ULK4: variants seen among roughly 807,000 people sequenced by gnomAD.
ULK4 encodes the protein unc-51 like kinase 4.
Under a neutral mutation model 160.6 loss-of-function variants are expected in ULK4, and 133 were observed. The ratio of observed to expected loss-of-function variants is 0.83; its 90% CI spans 0.72 to 0.96. ULK4 has a LOEUF of 0.96. ULK4 is among the 40% of genes least tolerant of loss of function. The pLI, the probability that ULK4 is intolerant of heterozygous loss-of-function variation, is 0.00. For missense variants in ULK4, 1,580 were observed against 1,499.5 expected, an observed-to-expected ratio of 1.05 and a Z score of -0.89; for synonymous variants, 534 against 539.8, an observed-to-expected ratio of 0.99 and a Z score of 0.15.
At chr3:41,257,731 A>G (rs2078861975) in intron 35 of ULK4, among the ~76,000 whole-genome samples, 1 of 152,168 alleles carries the variant, frequency 6.6e-6, no homozygotes, top group Non-Finnish European at 1.5e-5. Flanking sequence ...TGTCCACACA[A>G]AAACCTGTAT....
chr3:41,563,054 TG>T (rs1575418657), intron 32 of ULK4, among the ~76,000 whole-genome samples: 3 of 152,216 alleles, frequency 2.0e-5, no homozygotes, highest in African/African-American at 7.2e-5. Context: ...AAGGCAAGCC[TG>T]GTGGTGACAG....
intron 30 of ULK4, among the ~76,000 whole-genome samples, chr3:41,658,728 TACACACACAC>T (rs748566253): frequency 1.5e-4 from 13 of 84,510 alleles, no homozygotes; most frequent in Admixed American, 5.6e-4. Context: ...TGAAAAACAG[TACACACACAC>T]ACACACACAC....
chr3:41,512,114 A>G (rs2085598498), intron 32 of ULK4, among the ~76,000 whole-genome samples: 1 of 152,208 alleles, frequency 6.6e-6, no homozygotes, highest in Non-Finnish European at 1.5e-5. Flanking sequence ...AAACTGGCAT[A>G]GAAGGGACAT....
At chr3:41,446,728 G>A (rs1243122975) in intron 34 of ULK4, among the ~76,000 whole-genome samples, 2 of 130,756 alleles carry the variant, frequency 1.5e-5, no homozygotes, top group Non-Finnish European at 3.2e-5. Flanking sequence ...GGCCTGTTGT[G>A]GGGTGGGGGG....
intron 32 of ULK4, among the ~76,000 whole-genome samples, chr3:41,480,853 G>A (rs371208623): frequency 6.6e-6 from 1 of 152,048 alleles, no homozygotes; most frequent in African/African-American, 2.4e-5. Context: ...CAGAGTGAAG[G>A]GGGTAAGGCC....
intron 31 of ULK4, 68 bp downstream of exon 31, chr3:41,615,601 C>T: frequency 6.6e-7 from 1 of 1,521,312 alleles, no homozygotes; most frequent in Non-Finnish European, 9.0e-7. Context: ...CACAGTCCTA[C>T]AACATGGTTA....
chr3:41,342,639 T>C (rs766885717), intron 35 of ULK4, among the ~76,000 whole-genome samples: 6 of 152,090 alleles, frequency 3.9e-5, no homozygotes, highest in Non-Finnish European at 8.8e-5. Flanking sequence ...TTCCAAAAAA[T>C]TGAAAAGGAC....
chr3:41,717,758 G>A lies in ULK4; in HGVS notation c.2425C>T (p.His809Tyr). 1 of 1,614,094 alleles carries A rather than the reference G, an allele frequency of 6.2e-7. No homozygotes were observed. Among genetic ancestry groups the A allele is most frequent in the Non-Finnish European group, 8.5e-7 (1 of 1,179,980 alleles). The change falls in exon 23 of 37, where the codon CAC becomes TAC. Residue 809 changes from histidine to tyrosine, a missense_variant. Transcript: ENST00000301831. ...LSKCLDLLIC[H>Y]IVQELPRILG... The stretch of plus-strand genomic sequence containing the variant: ...ATTCGTGGCAGCTCCTGCACAATGT[G>A]ACAGATGAGAAGATCCAGGCATTTG...
chr3:41,591,780 A>G (rs2031327784), intron 31 of ULK4, among the ~76,000 whole-genome samples: 1 of 152,226 alleles, frequency 6.6e-6, no homozygotes. Flanking sequence ...AATAAAGATA[A>G]TTGTTCTATT....
chr3:41,807,744 C>G (rs192011862), intron 19 of ULK4, among the ~76,000 whole-genome samples: 1 of 152,130 alleles, frequency 6.6e-6, no homozygotes, highest in Non-Finnish European at 1.5e-5. Context: ...CCTTCAATTT[C>G]CCAAACTTCA....
chr3:41,337,024 T>C (rs1187681076), intron 35 of ULK4, among the ~76,000 whole-genome samples: 1 of 152,142 alleles, frequency 6.6e-6, no homozygotes, highest in African/African-American at 2.4e-5. Flanking sequence ...TATTGGATTG[T>C]CACAAAAATA....
chr3:41,418,348 G>C (rs1305601867), intron 34 of ULK4, among the ~76,000 whole-genome samples: 1 of 144,428 alleles, frequency 6.9e-6, no homozygotes, highest in African/African-American at 2.6e-5. Flanking sequence ...TTGGCGGGGG[G>C]GGGGGCACGT....
chr3:41,747,521 T>C lies in ULK4; in HGVS notation c.2321+6840A>G, dbSNP rs549129254. Among the ~76,000 whole-genome samples the C allele has an allele frequency of 2.7e-4, 40 of 150,140 alleles. 1 individual carries two copies. Among genetic ancestry groups the C allele is most frequent in the Non-Finnish European group, 5.3e-4 (36 of 68,030 alleles). On this transcript the variant is annotated intron_variant, in intron 22 of 36. Coordinates refer to ENST00000301831, the MANE Select transcript of ULK4 (RefSeq NM_017886.4). ...TAGTTAGGAATTAAAACTTGAATAC[T>C]AGCTTCTTAGTGTTATAAACTGAAT...
chr3:41,455,341 G>A (rs905456933), intron 34 of ULK4, among the ~76,000 whole-genome samples, 156 bp downstream of exon 34: 2 of 152,154 alleles, frequency 1.3e-5, no homozygotes, highest in African/African-American at 4.8e-5. Context: ...ATAAAGTAGA[G>A]ATTTAGTTTT....
chr3:41,581,301 G>A (rs2030316165), intron 31 of ULK4, among the ~76,000 whole-genome samples: 1 of 152,062 alleles, frequency 6.6e-6, no homozygotes, highest in African/African-American at 2.4e-5. Context: ...CTCAATCATA[G>A]GGTTTTGCCA....
At chr3:41,386,609 A>G (rs1459684009) in intron 35 of ULK4, among the ~76,000 whole-genome samples, 1 of 152,208 alleles carries the variant, frequency 6.6e-6, no homozygotes, top group Non-Finnish European at 1.5e-5. Context: ...TTTGTGGTCC[A>G]TAAATCTAGA....
chr3:41,376,043 C>T (rs1394999356), intron 35 of ULK4, among the ~76,000 whole-genome samples: 4 of 150,404 alleles, frequency 2.7e-5, no homozygotes, highest in South Asian at 2.2e-4. Context: ...AGCTCATCAT[C>T]GCTGGTCATT....
At chr3:41,600,157 G>A (rs1559424099) in intron 31 of ULK4, among the ~76,000 whole-genome samples, 1 of 152,090 alleles carries the variant, frequency 6.6e-6, no homozygotes, top group African/African-American at 2.4e-5. Context: ...GTCACAGTCT[G>A]GACCCAGTCT....
At chr3:41,949,432 ATTT>A (rs368229748) in intron 2 of ULK4, among the ~76,000 whole-genome samples, 3 of 141,570 alleles carry the variant, frequency 2.1e-5, no homozygotes, top group Non-Finnish European at 3.0e-5. Flanking sequence ...GATTAGCGGA[ATTT>A]TTTTTTTTTT....
Sources: gnomAD v4.1 joint callset for allele counts (sites outside exome capture counted in the v4.1 genomes callset) on GRCh38, gnomAD v4.1.1 for gene constraint, MANE v1.5 for transcripts, NCBI Gene and HGNC (gene_info 2026-07-23, HGNC 2026-07-21) for gene names.